Variants in OR10G4 observed in about 807,000 individuals in gnomAD.
OR10G4 encodes the protein olfactory receptor family 10 subfamily G member 4.
For missense variants in OR10G4, 318 were observed against 388.8 expected, an observed-to-expected ratio of 0.82 and a Z score of 1.53; for synonymous variants, 130 against 159.3, an observed-to-expected ratio of 0.82 and a Z score of 1.39.
At chr11:124,014,553 C>T (rs1324273582) in intron 1 of OR10G4, among the ~76,000 whole-genome samples, 2 of 152,186 alleles carry the variant, frequency 1.3e-5, no homozygotes, top group Admixed American at 1.3e-4. Flanking sequence ...TTCCGGCACT[C>T]CCCAGTGAGG....
chr11:124,016,430 G>A lies in OR10G4; in HGVS notation c.856G>A (p.Val286Met), dbSNP rs1000393936. The change falls in exon 2 of 2, where the codon GTG becomes ATG. Residue 286 changes from valine to methionine, a missense_variant. Val to Met is a conservative substitution (Grantham distance 21). Coordinates refer to ENST00000641722, the MANE Select transcript of OR10G4 (RefSeq NM_001004462.2). ...GCTGACGCCCCTTCTCAACCCTGTT[G>A]TGTACACCCTGAGAAACAAGGAGGT... ...TVLTPLLNPV[V>M]YTLRNKEVKK... is the part of the protein sequence containing the mutation. 2.5e-6 allele frequency: 4 copies of A among 1,614,100 alleles called. No individual in the cohort carries two copies. The highest frequency in any genetic ancestry group is 1.1e-5 in the South Asian group (1 of 91,044).
chr11:124,016,051 C>G lies in OR10G4; in HGVS notation c.477C>G (p.Thr159=). The G allele has an allele frequency of 6.2e-7, 1 of 1,613,940 alleles. No individual in the cohort carries two copies. Among genetic ancestry groups the G allele is most frequent in the Non-Finnish European group, 8.5e-7 (1 of 1,179,860 alleles). ...GCTCTCTGCACTCTGCTGTCCAGAC[C>G]ATATTGACTTTCCATTTGCCCTACT... is the stretch of plus-strand genomic sequence containing the variant. ...LSGSLHSAVQ[T]ILTFHLPYCG... The change falls in exon 2 of 2, where the codon ACC becomes ACG. Residue 159 remains threonine (T), a synonymous_variant. Transcript: ENST00000641722.
At chr11:124,014,101 G>A (rs1863995181) in intron 1 of OR10G4, among the ~76,000 whole-genome samples, 1 of 152,122 alleles carries the variant, frequency 6.6e-6, no homozygotes, top group Non-Finnish European at 1.5e-5. Context: ...GAGAAACAGG[G>A]CCAGTCATGT....
At chr11:124,013,554 ATG>A (rs1273579063) in intron 1 of OR10G4, among the ~76,000 whole-genome samples, 1 of 152,146 alleles carries the variant, frequency 6.6e-6, no homozygotes, top group Non-Finnish European at 1.5e-5. Flanking sequence ...CCTTGCTTTA[ATG>A]TAGCTTCAGC....
chr11:124,014,360 C>T (rs1863996790), intron 1 of OR10G4, among the ~76,000 whole-genome samples: 1 of 152,182 alleles, frequency 6.6e-6, no homozygotes, highest in Non-Finnish European at 1.5e-5. Context: ...AATGGCAAAT[C>T]CATAACACTG....
rs1020023276 is a variant in OR10G4 at position 124,015,504 on chromosome 11, T to C, written c.-27-44T>C. Reference sequence around the variant, plus strand: ...TTCCACATAGAGAATGGATTCTCATTTCTCAATTAAGTGCTAAATGCTGGG... The same window carrying C: ...TTCCACATAGAGAATGGATTCTCATCTCTCAATTAAGTGCTAAATGCTGGG... On this transcript the variant is annotated intron_variant, in intron 1 of 1. Coordinates refer to ENST00000641722, the MANE Select transcript of OR10G4 (RefSeq NM_001004462.2). 2.2e-5 allele frequency: 34 copies of C among 1,521,070 alleles called. No individual in the cohort carries two copies. The Middle Eastern group carries it at 8.8e-4, about 39-fold the overall frequency. 94.2% of individuals were successfully genotyped at this position (1,521,070 alleles called of 1,614,324 possible). A position where few individuals can be genotyped will look rare whatever the true frequency, so the allele number is the denominator to read the frequency against.
In OR10G4 at chr11:124,017,417, C is replaced by G. The variant is rs544769239; in HGVS notation, c.*907C>G. 2.0e-5 allele frequency: 3 copies of G among 152,190 alleles called. No homozygotes were observed. Among genetic ancestry groups the G allele is most frequent in the Non-Finnish European group, 4.4e-5 (3 of 68,038 alleles). 9.4% of individuals were successfully genotyped at this position (152,190 alleles called of 1,614,324 possible). ...TATTCTTGCTTGTCACAGGCACTGG[C>G]GTCTATTGGCTATAGGTCAGGAGTG... On this transcript the variant is annotated 3_prime_UTR_variant, in exon 2 of 2. Coordinates refer to ENST00000641722, the MANE Select transcript of OR10G4 (RefSeq NM_001004462.2).
rs191200682 is a variant in OR10G4 at position 124,018,082 on chromosome 11, C to T, written c.*1572C>T. On this transcript the variant is annotated 3_prime_UTR_variant, in exon 2 of 2. Coordinates refer to ENST00000641722, the MANE Select transcript of OR10G4 (RefSeq NM_001004462.2). ...TATTTCATACTATACACATAAAAAA[C>T]TCAATTATAGTAGATAAGAGATATA... 6.6e-6 allele frequency: 1 copy of T among 152,230 alleles called. No homozygotes were observed. The highest frequency in any genetic ancestry group is 6.5e-5 in the Admixed American group (1 of 15,280). The allele number at this position is 152,230 out of a possible 1,614,324, so 9.4% of individuals were successfully genotyped here.
Position 124,015,820 on chromosome 11 carries a change from C to T in OR10G4, c.246C>T (p.Thr82=), listed in dbSNP as rs1167064728. Residue 82 remains threonine (T), a synonymous_variant, in exon 2 of 2, where the codon ACC becomes ACT. Coordinates refer to ENST00000641722, the MANE Select transcript of OR10G4 (RefSeq NM_001004462.2). The stretch of plus-strand genomic sequence containing the variant: ...TCACGGTGCCCAAAATGCTGATGAC[C>T]TTGGTGTCCCCAAGCGGCAGGGCTA... The part of the protein sequence containing the change: ...STVTVPKMLM[T]LVSPSGRAIS... The T allele has an allele frequency of 6.2e-7, 1 of 1,608,166 alleles. No individual in the cohort carries two copies. Among genetic ancestry groups the T allele is most frequent in the African/African-American group, 1.3e-5 (1 of 74,724 alleles).
Position 124,016,377 on chromosome 11 carries a change from A to T in OR10G4, c.803A>T (p.Asp268Val). ...AGGCCAGGCTCCATGGATGCCATGGATGGAGTTGTGGCCATTTTCTACACT... is the reference window on the plus strand; with the variant it reads ...AGGCCAGGCTCCATGGATGCCATGGTTGGAGTTGTGGCCATTTTCTACACT... ...YLRPGSMDAM[D>V]GVVAIFYTVL... The change falls in exon 2 of 2, where the codon GAT becomes GTT. Residue 268 changes from aspartate to valine, a missense_variant. Transcript: ENST00000641722. 1 of 1,614,162 alleles carries T rather than the reference A, an allele frequency of 6.2e-7. No individual in the cohort carries two copies. Among genetic ancestry groups the T allele is most frequent in the Non-Finnish European group, 8.5e-7 (1 of 1,180,016 alleles).
Position 124,015,592 on chromosome 11 carries a change from C to G in OR10G4, c.18C>G (p.Leu6=). ...GAGAAGAAATGTCCAACGCCAGCCT[C>G]GTGACAGCATTCATCCTCACAGGCC... MSNAS[L]VTAFILTGLP... Residue 6 remains leucine, a synonymous_variant, in exon 2 of 2, where the codon CTC becomes CTG. Coordinates refer to ENST00000641722, the MANE Select transcript of OR10G4 (RefSeq NM_001004462.2). 1 of 1,606,184 alleles carries G rather than the reference C, an allele frequency of 6.2e-7. No homozygotes were observed. The highest frequency in any genetic ancestry group is 8.5e-7 in the Non-Finnish European group (1 of 1,175,686).
chr11:124,018,075 T>TA lies in OR10G4; in HGVS notation c.*1571dup, dbSNP rs957861593. On this transcript the variant is annotated 3_prime_UTR_variant, in exon 2 of 2. Transcript: ENST00000641722. ...TCGATCCTATTTCATACTATACACA[T>TA]AAAAAACTCAATTATAGTAGATAAG... The TA allele has an allele frequency of 1.3e-5, 2 of 152,122 alleles. No homozygotes were observed. The highest frequency in any genetic ancestry group is 4.8e-5 in the African/African-American group (2 of 41,424). The allele number at this position is 152,122 out of a possible 1,614,324, so 9.4% of individuals were successfully genotyped here.
chr11:124,015,253 T>A, intron 1 of OR10G4: 1 of 391,644 alleles, frequency 2.6e-6, no homozygotes, highest in Non-Finnish European at 4.6e-6. Context: ...GAGATAAAAA[T>A]TTTACACGTT....
chr11:124,015,476 A>G (rs569854516), intron 1 of OR10G4, 72 bp from the exon 2 acceptor site: 1 of 1,379,630 alleles, frequency 7.2e-7, no homozygotes, highest in Non-Finnish European at 1.0e-6. Context: ...TGGTTGATGC[A>G]GTTTCCACAT....
In OR10G4 at chr11:124,012,999, G is replaced by A. The variant is rs1295253986; in HGVS notation, c.-141G>A. 1.3e-5 allele frequency: 2 copies of A among 152,108 alleles called. No individual in the cohort carries two copies. Among genetic ancestry groups the A allele is most frequent in the Non-Finnish European group, 2.9e-5 (2 of 68,018 alleles). 9.4% of individuals were successfully genotyped at this position (152,108 alleles called of 1,614,324 possible). A position where few individuals can be genotyped will look rare whatever the true frequency, so the allele number is the denominator to read the frequency against. ...CCACTCTTTCTCAACACTGTGCACC[G>A]GTTGTTTGAGTGATATCTTGCAAAC... is the stretch of plus-strand genomic sequence containing the variant. On this transcript the variant is annotated 5_prime_UTR_variant, in exon 1 of 2. Coordinates refer to ENST00000641722, the MANE Select transcript of OR10G4 (RefSeq NM_001004462.2).
rs546568617 is a variant in OR10G4 at position 124,016,101 on chromosome 11, ACTT to A, written c.530_532del (p.Phe177del). Reference sequence around the variant, plus strand: ...TGTGGACCCAACCAGATCCAGCACTACTTCTGTGACGCACCGCCCATCCTGAAA... The same window carrying A: ...TGTGGACCCAACCAGATCCAGCACTACTGTGACGCACCGCCCATCCTGAAA... On this transcript the variant is annotated inframe_deletion, in exon 2 of 2. Transcript: ENST00000641722. The A allele has an allele frequency of 7.1e-4, 1,145 of 1,613,776 alleles. 10 individuals carry two copies. The African/African-American group carries it at 0.013, about 19-fold the overall frequency.
chr11:124,016,711 G>A lies in OR10G4; in HGVS notation c.*201G>A. On this transcript the variant is annotated 3_prime_UTR_variant, in exon 2 of 2. Coordinates refer to ENST00000641722, the MANE Select transcript of OR10G4 (RefSeq NM_001004462.2). ...TTTATGATGAACATGATTATATTCT[G>A]AATTATTGACTCATTTCTCATCAAT... 1 of 431,958 alleles carries A rather than the reference G, an allele frequency of 2.3e-6. No homozygotes were observed. Among genetic ancestry groups the A allele is most frequent in the Non-Finnish European group, 4.0e-6 (1 of 247,732 alleles). 26.8% of individuals were successfully genotyped at this position (431,958 alleles called of 1,614,324 possible). A position where few individuals can be genotyped will look rare whatever the true frequency, so the allele number is the denominator to read the frequency against.
At chr11:124,014,099 G>C (rs765597251) in intron 1 of OR10G4, among the ~76,000 whole-genome samples, 1 of 152,106 alleles carries the variant, frequency 6.6e-6, no homozygotes, top group Non-Finnish European at 1.5e-5. Flanking sequence ...AAGAGAAACA[G>C]GGCCAGTCAT....
chr11:124,015,681 C>G lies in OR10G4; in HGVS notation c.107C>G (p.Thr36Ser). 3 of 1,610,382 alleles carry G rather than the reference C, an allele frequency of 1.9e-6. No individual in the cohort carries two copies. Among genetic ancestry groups the G allele is most frequent in the Non-Finnish European group, 2.5e-6 (3 of 1,177,570 alleles). ...ATCTTCCTGGTGGTTTACGTGCTCA[C>G]TGTGCTGGGGAACCTCCTCATCCTG... Reference protein sequence around the residue: ...FGIFLVVYVLTVLGNLLILLV... With the variant: ...FGIFLVVYVLSVLGNLLILLV... Residue 36 changes from threonine to serine, a missense_variant, in exon 2 of 2, where the codon ACT becomes AGT. Thr to Ser is a moderately conservative substitution (Grantham distance 58). Transcript: ENST00000641722.
Sources: gnomAD v4.1 joint callset for allele counts (sites outside exome capture counted in the v4.1 genomes callset) on GRCh38, gnomAD v4.1.1 for gene constraint, MANE v1.5 for transcripts, NCBI Gene and HGNC (gene_info 2026-07-23, HGNC 2026-07-21) for gene names.